The following ATP11C variants were observed in gnomAD, a reference collection of about 807,000 sequenced individuals.
ATP11C encodes the protein ATPase phospholipid transporting 11C (ATP11C blood group).
Under a neutral mutation model 97.4 loss-of-function variants are expected in ATP11C, and 36 were observed. The observed-to-expected ratio is 0.37, with a 90% CI of 0.28 to 0.49. The LOEUF is 0.49. Ranked by LOEUF, ATP11C falls within the 20% of genes least tolerant of loss-of-function variation. The pLI is 0.98. For missense variants in ATP11C, 730 were observed against 824.6 expected, an observed-to-expected ratio of 0.89 and a Z score of 1.40; for synonymous variants, 275 against 290.9, an observed-to-expected ratio of 0.95 and a Z score of 0.56.
chrX:139,816,508 C>T (rs867627801), intron 4 of ATP11C, among the ~76,000 whole-genome samples: 1 of 111,980 alleles, frequency 8.9e-6, no homozygotes, highest in Admixed American at 9.5e-5. Flanking sequence ...GTTCTCGCTA[C>T]AGGCTTAAGC....
At chrX:139,793,442 G>C (rs72616301) in intron 12 of ATP11C, among the ~76,000 whole-genome samples, 1 of 101,704 alleles carries the variant, frequency 9.8e-6, no homozygotes, top group Admixed American at 1.3e-4. Context: ...AAAGAAAAAA[G>C]ATTTTCTTTT....
chrX:139,832,537 A>C (rs2083673009), intron 1 of ATP11C, among the ~76,000 whole-genome samples: 1 of 112,666 alleles, frequency 8.9e-6, no homozygotes, highest in Non-Finnish European at 1.9e-5. Context: ...CTTACACCAC[A>C]CAGTAATTTT....
chrX:139,866,935 C>A lies in ATP11C; in HGVS notation c.28-40112G>T, dbSNP rs757581830. Among the ~76,000 whole-genome samples the A allele has an allele frequency of 1.2e-4, 13 of 110,189 alleles. No individual in the cohort carries two copies. The East Asian group carries it at 3.5e-3, about 29-fold the overall frequency. ...CTGTCTCTACAAAAAATACAAAAAACATTAGCCAGGTATGGTAGTGCATGC... is the reference window on the plus strand; with the variant it reads ...CTGTCTCTACAAAAAATACAAAAAAAATTAGCCAGGTATGGTAGTGCATGC... On this transcript the variant is annotated intron_variant, in intron 1 of 29. Transcript: ENST00000682941.
At chrX:139,771,561 T>C (rs1458813599) in intron 19 of ATP11C, among the ~76,000 whole-genome samples, 1 of 111,498 alleles carries the variant, frequency 9.0e-6, no homozygotes. Flanking sequence ...TAGACACTTG[T>C]TGAATGGCTT....
chrX:139,837,011 TAC>T (rs113064751), intron 1 of ATP11C, among the ~76,000 whole-genome samples: 13 of 107,089 alleles, frequency 1.2e-4, no homozygotes, highest in Non-Finnish European at 1.4e-4. Context: ...CACACACACA[TAC>T]ACACACACAC....
chrX:139,829,632 A>G (rs1164769984), intron 1 of ATP11C, among the ~76,000 whole-genome samples: 1 of 111,475 alleles, frequency 9.0e-6, no homozygotes, highest in Admixed American at 9.6e-5. Flanking sequence ...TTCCCATTCA[A>G]TTGTCCTTAA....
chrX:139,866,592 C>T (rs1182908329), intron 1 of ATP11C, among the ~76,000 whole-genome samples: 6 of 110,027 alleles, frequency 5.5e-5, no homozygotes, highest in Admixed American at 4.9e-4. Context: ...GTGGCACACA[C>T]CTGTAGTCCC....
chrX:139,808,361 A>G (rs1365246985), intron 5 of ATP11C, among the ~76,000 whole-genome samples: 3 of 112,135 alleles, frequency 2.7e-5, no homozygotes, highest in South Asian at 3.7e-4. Flanking sequence ...AAAGTTAATC[A>G]AAGCCGACAA....
intron 5 of ATP11C, among the ~76,000 whole-genome samples, chrX:139,808,805 T>C (rs1339553316): frequency 8.9e-6 from 1 of 112,420 alleles, no homozygotes; most frequent in Non-Finnish European, 1.9e-5. Context: ...ATAGTTCTTA[T>C]TGTTAATCTT....
At chrX:139,785,938 T>C (rs1270519113) in intron 15 of ATP11C, among the ~76,000 whole-genome samples, 2 of 111,003 alleles carry the variant, frequency 1.8e-5, no homozygotes, top group African/African-American at 3.3e-5. Flanking sequence ...CACGGCAGCA[T>C]GAGAGCACAT....
At chrX:139,771,378 T>A (rs753460986) in intron 19 of ATP11C, among the ~76,000 whole-genome samples, 4 of 111,704 alleles carry the variant, frequency 3.6e-5, no homozygotes, top group Non-Finnish European at 7.5e-5. Flanking sequence ...TAAGTTTTTA[T>A]CAGCAGCATG....
At chrX:139,794,581 G>T (rs2082755893) in intron 12 of ATP11C, among the ~76,000 whole-genome samples, 1 of 111,555 alleles carries the variant, frequency 9.0e-6, no homozygotes, top group Non-Finnish European at 1.9e-5. Flanking sequence ...AAGGAGTGGT[G>T]ACTAAAAGGA....
At chrX:139,904,300 G>A (rs906375889) in intron 1 of ATP11C, among the ~76,000 whole-genome samples, 6 of 110,786 alleles carry the variant, frequency 5.4e-5, no homozygotes, top group Admixed American at 3.9e-4. Flanking sequence ...GGCCGAGGTG[G>A]GTGGATCACC....
chrX:139,877,422 T>C (rs928686924), intron 1 of ATP11C, among the ~76,000 whole-genome samples: 2 of 111,743 alleles, frequency 1.8e-5, no homozygotes, highest in Admixed American at 9.5e-5. Context: ...AAATAATATA[T>C]GCGGCTAAGA....
intron 12 of ATP11C, among the ~76,000 whole-genome samples, chrX:139,795,252 A>G (rs967592909): frequency 8.9e-6 from 1 of 111,966 alleles, no homozygotes; most frequent in Non-Finnish European, 1.9e-5. Context: ...TCAAGTCTAA[A>G]CAAAATGGTA....
chrX:139,846,445 A>C (rs913754492), intron 1 of ATP11C, among the ~76,000 whole-genome samples: 7 of 112,017 alleles, frequency 6.2e-5, no homozygotes, highest in African/African-American at 2.3e-4. Context: ...TGGGTTAGCA[A>C]TTGTCCATAG....
intron 1 of ATP11C, among the ~76,000 whole-genome samples, chrX:139,847,659 T>C (rs2083930285): frequency 9.4e-6 from 1 of 106,533 alleles, no homozygotes; most frequent in Non-Finnish European, 1.9e-5. Flanking sequence ...GCTATGATTG[T>C]GCCACTGCAT....
chrX:139,750,007 A>T lies in ATP11C; in HGVS notation c.2828+18T>A, dbSNP rs1049956292. 24 of 1,186,103 alleles carry T rather than the reference A, an allele frequency of 2.0e-5. No homozygotes were observed. Among genetic ancestry groups the T allele is most frequent in the Non-Finnish European group, 2.7e-5 (24 of 877,191 alleles). On this transcript the variant is annotated intron_variant, in intron 24 of 29. Transcript: ENST00000682941. ...ACACTGAAAGTCTTAGGGGGTTTTA[A>T]CTATATATTTAACTTACATATACAA...
chrX:139,924,836 A>G (rs1479573743), intron 1 of ATP11C, among the ~76,000 whole-genome samples: 4 of 111,698 alleles, frequency 3.6e-5, no homozygotes, highest in Non-Finnish European at 7.5e-5. Flanking sequence ...AAGCTTGCAC[A>G]TGGTTTCCTC....
Sources: gnomAD v4.1 joint callset for allele counts (sites outside exome capture counted in the v4.1 genomes callset) on GRCh38, gnomAD v4.1.1 for gene constraint, MANE v1.5 for transcripts, NCBI Gene and HGNC (gene_info 2026-07-23, HGNC 2026-07-21) for gene names.